Variants in TNC observed in about 807,000 individuals in gnomAD.
TNC encodes the protein tenascin.
A neutral mutation model predicts 202.4 loss-of-function variants in TNC; 109 were observed. That is an observed-to-expected ratio of 0.54 (90% CI 0.46 to 0.63). TNC has a LOEUF of 0.63. Ranked by LOEUF, TNC falls within the 30% of genes least tolerant of loss-of-function variation. TNC has a pLI of 0.00. For synonymous variants in TNC, 1,007 were observed against 1,089.7 expected (o/e 0.92, Z 1.50); for missense variants, 2,756 against 2,833.3 (o/e 0.97, Z 0.62).
At chr9:115,027,169 T>C (rs1829567348) in intron 25 of TNC, among the ~76,000 whole-genome samples, 1 of 151,604 alleles carries the variant, frequency 6.6e-6, no homozygotes, top group Non-Finnish European at 1.5e-5. Flanking sequence ...AAGCTCAGTC[T>C]TGTGCTTGCT....
intron 26 of TNC, among the ~76,000 whole-genome samples, 188 bp from the exon 27 acceptor site, chr9:115,024,324 C>T (rs1383642157): frequency 1.3e-5 from 2 of 152,152 alleles, no homozygotes; most frequent in Admixed American, 6.5e-5. Flanking sequence ...TACTTATTTC[C>T]GACAGAAGCA....
At chr9:115,023,455 G>A (rs1210339903) in intron 27 of TNC, among the ~76,000 whole-genome samples, 1 of 152,194 alleles carries the variant, frequency 6.6e-6, no homozygotes, top group Non-Finnish European at 1.5e-5. Context: ...TGTGGTGCAG[G>A]GAAAATGCCA....
At chr9:115,095,780 CATA>C (rs555736903) in intron 1 of TNC, among the ~76,000 whole-genome samples, 2 of 147,218 alleles carry the variant, frequency 1.4e-5, no homozygotes, top group Admixed American at 1.4e-4. Flanking sequence ...TGTGATGTAA[CATA>C]ATATTACATA....
intron 15 of TNC, chr9:115,052,601 T>C: frequency 1.7e-6 from 1 of 590,748 alleles, no homozygotes; most frequent in South Asian, 2.1e-5. Context: ...TCCATAAATA[T>C]ATACAATTAC....
At chr9:115,059,505 G>C (rs1564451984) in intron 14 of TNC, among the ~76,000 whole-genome samples, 1 of 152,220 alleles carries the variant, frequency 6.6e-6, no homozygotes, top group East Asian at 1.9e-4. Context: ...AAAGGCTGGG[G>C]GGCTGGAGAT....
At chr9:115,067,327 T>A (rs1222735740) in intron 10 of TNC, among the ~76,000 whole-genome samples, 2 of 150,120 alleles carry the variant, frequency 1.3e-5, no homozygotes, top group Non-Finnish European at 2.9e-5. Flanking sequence ...TAGCTCTCCT[T>A]CTTATCCCAC....
At chr9:115,069,252 G>T (rs1833176879) in intron 10 of TNC, among the ~76,000 whole-genome samples, 1 of 152,108 alleles carries the variant, frequency 6.6e-6, no homozygotes, top group African/African-American at 2.4e-5. Flanking sequence ...CACTGTCAAG[G>T]CTTATGTTGC....
At chr9:115,066,100 A>T (rs1832930373) in intron 10 of TNC, among the ~76,000 whole-genome samples, 1 of 152,132 alleles carries the variant, frequency 6.6e-6, no homozygotes, top group Non-Finnish European at 1.5e-5. Context: ...TAAGGCTTTG[A>T]AAAACTGTTC....
chr9:115,030,292 C>T lies in TNC; in HGVS notation c.6034G>A (p.Val2012Ile), dbSNP rs1354282025. 6.2e-7 allele frequency: 1 copy of T among 1,613,318 alleles called. No homozygotes were observed. Among genetic ancestry groups the T allele is most frequent in the Non-Finnish European group, 8.5e-7 (1 of 1,179,460 alleles). ...CCATCAGAGGTCATGTCACAGAAGA[C>T]TTCCAGCGCCTCAGCCTTATCACCA... ...LNGDKAEALE[V>I]FCDMTSDGGG... is the part of the protein sequence containing the mutation. The change falls in exon 24 of 28, where the codon GTC (valine) becomes ATC (isoleucine). Residue 2012 changes from valine to isoleucine, a missense_variant. Physicochemically the swap from Val to Ile is conservative, Grantham distance 29. Transcript: ENST00000350763.
Position 115,086,394 on chromosome 9 carries a change from C to A in TNC, c.1337G>T (p.Arg446Leu), listed in dbSNP as rs139025891. The A allele has an allele frequency of 1.6e-5, 26 of 1,613,916 alleles. No individual in the cohort carries two copies. Among genetic ancestry groups the A allele is most frequent in the Non-Finnish European group, 2.2e-5 (26 of 1,179,944 alleles). ...QLRCPNDCHS[R>L]GRCVEGKCVC... ...ACATTTGCCCTCGACACAGCGGCCC[C>A]GACTGTGACAGTCATTGGGGCACCG... Residue 446 changes from arginine to leucine, a missense_variant, in exon 3 of 28, where the codon CGG becomes CTG. Arg to Leu is a moderately radical substitution (Grantham distance 102). Around this residue, in one of 2 missense-constraint regions of TNC, gnomAD observed 2,559 missense variants for 2,546.0 expected, o/e 1.01. Transcript: ENST00000350763.
At position 115,090,765 on chromosome 9, in the gene TNC, T is replaced by C; in HGVS notation, c.254A>G (p.Glu85Gly). 1 of 1,614,244 alleles carries C rather than the reference T, an allele frequency of 6.2e-7. No homozygotes were observed. Among genetic ancestry groups the C allele is most frequent in the South Asian group, 1.1e-5 (1 of 91,080 alleles). The change falls in exon 2 of 28, where the codon GAA (glutamate) becomes GGA (glycine). Residue 85 changes from glutamate to glycine, a missense_variant. Glu to Gly is a moderately conservative substitution (Grantham distance 98, BLOSUM62 -2). Around this residue, in one of 2 missense-constraint regions of TNC, gnomAD observed 2,559 missense variants for 2,546.0 expected, o/e 1.01. Transcript: ENST00000350763. ...ATCCACTGTGTGCTCCTGAAAGCTT[T>C]CGCTGGGCTCTGAAGGCGGTGCCAG... ...KDLAPPSEPSESFQEHTVDGE... is the reference protein window; with the variant it reads ...KDLAPPSEPSGSFQEHTVDGE...
chr9:115,066,514 T>A (rs1832963639), intron 10 of TNC, among the ~76,000 whole-genome samples: 1 of 152,228 alleles, frequency 6.6e-6, no homozygotes, highest in Admixed American at 6.5e-5. Context: ...ATTTCTTTTC[T>A]GGAATTGATT....
chr9:115,111,214 G>C (rs1394005466), intron 1 of TNC, among the ~76,000 whole-genome samples: 1 of 152,002 alleles, frequency 6.6e-6, no homozygotes, highest in African/African-American at 2.4e-5. Context: ...ACTCTAAGGT[G>C]GCCCCATTGA....
intron 1 of TNC, among the ~76,000 whole-genome samples, chr9:115,095,414 T>A (rs1482649881): frequency 6.7e-6 from 1 of 148,618 alleles, no homozygotes; most frequent in Non-Finnish European, 1.5e-5. Flanking sequence ...CCTCTCTCAG[T>A]GATCCCAGAA....
At chr9:115,042,072 G>C in intron 18 of TNC, 147 bp downstream of exon 18, 1 of 1,279,284 alleles carries the variant, frequency 7.8e-7, no homozygotes, top group South Asian at 1.7e-5. Flanking sequence ...TTACAAATGA[G>C]TTCTCTTCTC....
Position 115,084,487 on chromosome 9 carries a change from A to G in TNC, c.1868-15T>C. On this transcript the variant is annotated splice_polypyrimidine_tract_variant and intron_variant, in intron 3 of 27. Transcript: ENST00000350763. ...GGGAGGAGACACTGGCAGGAATAAG[A>G]AAGGACATCTGGTGTCAACAGTGTG... is the stretch of plus-strand genomic sequence containing the variant. 1.2e-6 allele frequency: 2 copies of G among 1,612,778 alleles called. No individual in the cohort carries two copies. The highest frequency in any genetic ancestry group is 8.5e-7 in the Non-Finnish European group (1 of 1,179,186).
chr9:115,069,438 A>G (rs67231414), intron 10 of TNC, among the ~76,000 whole-genome samples: 23,193 of 151,478 alleles, frequency 0.15, 2,214 homozygotes, highest in African/African-American at 0.27. Flanking sequence ...AGGGGAGAAG[A>G]GAGGAAGGAG....
At chr9:115,089,478 ATCTCTCTCTCTCTC>A (rs34987920) in intron 2 of TNC, among the ~76,000 whole-genome samples, 1 of 148,524 alleles carries the variant, frequency 6.7e-6, no homozygotes, top group African/African-American at 2.5e-5. Context: ...CAAAATCCCT[ATCTCTCTCTCTCTC>A]TCTCTCTCTC....
intron 3 of TNC, among the ~76,000 whole-genome samples, 163 bp from the exon 4 acceptor site, chr9:115,084,635 T>C (rs1834571050): frequency 6.6e-6 from 1 of 152,260 alleles, no homozygotes; most frequent in Non-Finnish European, 1.5e-5. Context: ...GTGATCCATC[T>C]TAAGACCTGT....
Sources: allele counts gnomAD v4.1 joint callset (sites outside exome capture counted in the v4.1 genomes callset), GRCh38; gene constraint gnomAD v4.1.1; regional missense constraint gnomAD v4.1.1; transcripts MANE v1.5; gene names NCBI Gene and HGNC (gene_info 2026-07-23, HGNC 2026-07-21).